The following GRIN2A variants were observed in gnomAD, a reference collection of about 807,000 sequenced individuals.
The protein encoded by GRIN2A is glutamate ionotropic receptor NMDA type subunit 2A, also known as glutamate receptor ionotropic, NMDA 2A.
GRIN2A carries 22 observed loss-of-function variants against 113.4 expected under a neutral mutation model. The ratio of observed to expected loss-of-function variants is 0.19; its 90% CI spans 0.14 to 0.28. The LOEUF (loss-of-function observed/expected upper bound fraction) is 0.28, where lower values mean the gene tolerates loss of function less well. Ranked by LOEUF, GRIN2A falls within the 10% of genes least tolerant of loss-of-function variation. The pLI is 1.00. For synonymous variants in GRIN2A, 827 were observed against 738.4 expected, an observed-to-expected ratio of 1.12 and a Z score of -1.94; for missense variants, 1,502 against 1,887.0, an observed-to-expected ratio of 0.80 and a Z score of 3.78.
At position 9,763,932 on chromosome 16, in the gene GRIN2A, G is replaced by A. The variant is rs796052558; in HGVS notation, c.3612C>T (p.Ser1204=). The change falls in exon 13 of 13, where the codon AGC becomes AGT. Residue 1204 remains serine (S), a synonymous_variant. Transcript: ENST00000330684. ...KDKGSPHSET[S]ERYRQNSTHC... is the part of the protein sequence containing the mutation. ...GCGTGGAGTTCTGCCGGTATCGCTC[G>A]CTGGTCTCACTGTGCGGGGAACCCT... is the stretch of plus-strand genomic sequence containing the variant. 6.2e-6 allele frequency: 10 copies of A among 1,613,972 alleles called. No individual in the cohort carries two copies. Among genetic ancestry groups the A allele is most frequent in the South Asian group, 1.1e-5 (1 of 91,080 alleles).
At chr16:10,061,605 A>G (rs2047551186) in intron 2 of GRIN2A, among the ~76,000 whole-genome samples, 1 of 152,164 alleles carries the variant, frequency 6.6e-6, no homozygotes, top group East Asian at 1.9e-4. Flanking sequence ...CCCACAGTGA[A>G]GTCAGTCTGG....
chr16:10,181,844 C>G (rs1241992215), intron 1 of GRIN2A, 33 bp downstream of exon 1: 1 of 153,048 alleles, frequency 6.5e-6, no homozygotes, highest in Non-Finnish European at 1.5e-5. Context: ...TCCTCCCCGG[C>G]CCAAGGAGCC....
At chr16:10,152,642 C>T (rs1021277114) in intron 2 of GRIN2A, among the ~76,000 whole-genome samples, 4 of 152,234 alleles carry the variant, frequency 2.6e-5, no homozygotes, top group East Asian at 1.9e-4. Context: ...CCCACTCTTC[C>T]GCTAGTTAAA....
chr16:10,082,700 T>TCCTCATTTC, intron 2 of GRIN2A, among the ~76,000 whole-genome samples: 1 of 152,290 alleles, frequency 6.6e-6, no homozygotes, highest in Admixed American at 6.5e-5. Context: ...TTGAGTGGCC[T>TCCTCATTTC]CCTCATTTCC....
chr16:10,171,487 A>T (rs1246746395), intron 2 of GRIN2A: 5 of 152,236 alleles, frequency 3.3e-5, no homozygotes, highest in Admixed American at 3.3e-4. Flanking sequence ...CATGCTGGCC[A>T]CATTTAGCTT....
chr16:10,038,648 C>T (rs923906028), intron 2 of GRIN2A, among the ~76,000 whole-genome samples: 9 of 151,918 alleles, frequency 5.9e-5, no homozygotes, highest in Non-Finnish European at 1.3e-4. Flanking sequence ...TAGAGATCAT[C>T]CTGGCTAACA....
At chr16:9,896,485 A>G (rs2043809966) in intron 3 of GRIN2A, among the ~76,000 whole-genome samples, 1 of 152,180 alleles carries the variant, frequency 6.6e-6, no homozygotes, top group Admixed American at 6.5e-5. Flanking sequence ...TGGTAGTAAA[A>G]TCAGATGGAA....
chr16:9,872,712 G>A (rs554597632), intron 4 of GRIN2A, among the ~76,000 whole-genome samples: 1 of 152,210 alleles, frequency 6.6e-6, no homozygotes, highest in Admixed American at 6.5e-5. Context: ...CATAAGTGAA[G>A]CAACTCAGAC....
At chr16:9,864,220 G>A (rs192201889) in intron 4 of GRIN2A, among the ~76,000 whole-genome samples, 49 of 152,202 alleles carry the variant, frequency 3.2e-4, no homozygotes, top group African/African-American at 1.1e-3. Flanking sequence ...AGCTCTTTTG[G>A]GGAGTATTTA....
At chr16:10,110,716 G>A (rs1428879927) in intron 2 of GRIN2A, among the ~76,000 whole-genome samples, 1 of 152,188 alleles carries the variant, frequency 6.6e-6, no homozygotes, top group Non-Finnish European at 1.5e-5. Flanking sequence ...TTCCTCCTGG[G>A]AATATTTAGT....
intron 4 of GRIN2A, among the ~76,000 whole-genome samples, chr16:9,885,806 G>C (rs76817839): frequency 6.6e-6 from 1 of 152,222 alleles, no homozygotes; most frequent in Non-Finnish European, 1.5e-5. Flanking sequence ...AGCACACGGA[G>C]TTATTTCTGA....
intron 2 of GRIN2A, among the ~76,000 whole-genome samples, chr16:10,073,753 A>G (rs544770278): frequency 8.3e-6 from 1 of 120,920 alleles, no homozygotes; most frequent in Non-Finnish European, 1.9e-5. Flanking sequence ...AAAATCCAGA[A>G]AAAAAAAAAA....
chr16:10,071,420 C>T (rs956425630), intron 2 of GRIN2A, among the ~76,000 whole-genome samples: 4 of 152,026 alleles, frequency 2.6e-5, no homozygotes, highest in African/African-American at 4.8e-5. Flanking sequence ...TCTTACGGGA[C>T]GAGCCATGAA....
intron 7 of GRIN2A, among the ~76,000 whole-genome samples, chr16:9,837,956 T>C (rs1329316685): frequency 1.3e-5 from 2 of 152,196 alleles, no homozygotes; most frequent in Non-Finnish European, 2.9e-5. Flanking sequence ...TTAAATGGAT[T>C]ATCAAAAATG....
In GRIN2A at chr16:9,761,244, TC is replaced by T. The variant is rs1228476434; in HGVS notation, c.*1904del. The T allele has an allele frequency of 4.3e-6, 1 of 230,854 alleles. No homozygotes were observed. The highest frequency in any genetic ancestry group is 6.1e-5 in the East Asian group (1 of 16,314). The allele number at this position is 230,854 out of a possible 1,614,324, so 14.3% of individuals were successfully genotyped here. ...GCATCCTTGAGCTTTAAGGGAATCATCCCTGACACTTGCCCACATGCAAGAA... is the reference window on the plus strand; with the variant it reads ...GCATCCTTGAGCTTTAAGGGAATCATCCTGACACTTGCCCACATGCAAGAA... On this transcript the variant is annotated 3_prime_UTR_variant, in exon 13 of 13. Transcript: ENST00000330684.
intron 7 of GRIN2A, among the ~76,000 whole-genome samples, chr16:9,836,149 G>A (rs903962380): frequency 1.3e-5 from 2 of 152,168 alleles, no homozygotes; most frequent in South Asian, 2.1e-4. Context: ...ATAATTCTCC[G>A]AGTTGCGTAG....
At chr16:10,181,187 GCA>G (rs973223328) in intron 1 of GRIN2A, among the ~76,000 whole-genome samples, 12 of 2,670 alleles carry the variant, frequency 4.5e-3, no homozygotes, top group Non-Finnish European at 0.018. Context: ...ACGCGCGCGT[GCA>G]CACACACGTG....
chr16:10,176,183 T>C (rs1257622252), intron 2 of GRIN2A, among the ~76,000 whole-genome samples: 1 of 151,896 alleles, frequency 6.6e-6, no homozygotes, highest in Non-Finnish European at 1.5e-5. Flanking sequence ...TTTTTGTATT[T>C]TTGTAGAGAT....
intron 2 of GRIN2A, among the ~76,000 whole-genome samples, chr16:10,057,637 T>TAA (rs532428882): frequency 6.9e-6 from 1 of 145,578 alleles, no homozygotes; most frequent in African/African-American, 2.5e-5. Context: ...CATAAGTAGT[T>TAA]AAAAAAAAAA....
Sources: gnomAD v4.1 joint callset for allele counts (sites outside exome capture counted in the v4.1 genomes callset) on GRCh38, gnomAD v4.1.1 for gene constraint, MANE v1.5 for transcripts, NCBI Gene and HGNC (gene_info 2026-07-23, HGNC 2026-07-21) for gene names.